ATXN7L1: variants seen among roughly 807,000 people sequenced by gnomAD.
ATXN7L1 encodes ataxin 7 like 1.
In ATXN7L1, 15 loss-of-function variants were observed where a neutral mutation model predicts 70.8. The observed-to-expected ratio is 0.21, with a 90% CI of 0.14 to 0.33. The LOEUF is 0.33. ATXN7L1 is among the 10% of genes least tolerant of loss of function. ATXN7L1 has a pLI of 1.00. For synonymous variants in ATXN7L1, 440 were observed against 445.1 expected, an observed-to-expected ratio of 0.99 and a Z score of 0.14; for missense variants, 975 against 1,097.1, an observed-to-expected ratio of 0.89 and a Z score of 1.57.
intron 2 of ATXN7L1, among the ~76,000 whole-genome samples, chr7:105,827,084 G>A (rs1381902343): frequency 1.3e-5 from 2 of 152,122 alleles, no homozygotes; most frequent in Admixed American, 1.3e-4. Flanking sequence ...TATGCAGAAC[G>A]GAAGGCGAGG....
chr7:105,759,969 C>A (rs1309192108), intron 3 of ATXN7L1, among the ~76,000 whole-genome samples: 4 of 152,114 alleles, frequency 2.6e-5, no homozygotes, highest in African/African-American at 4.8e-5. Context: ...CTGGAGGTCA[C>A]CAGTGATTTC....
intron 3 of ATXN7L1, among the ~76,000 whole-genome samples, chr7:105,721,941 A>G (rs76610587): frequency 0.054 from 8,289 of 152,276 alleles, 271 homozygotes; most frequent in Admixed American, 0.068. Context: ...TCCCACCTCT[A>G]AGCTAGTTTT....
At chr7:105,725,934 G>C (rs919653320) in intron 3 of ATXN7L1, among the ~76,000 whole-genome samples, 2 of 129,742 alleles carry the variant, frequency 1.5e-5, no homozygotes, top group African/African-American at 5.8e-5. Flanking sequence ...ACAGAGTCTT[G>C]CTCCGTCGTC....
chr7:105,777,941 G>C (rs1665060664), intron 3 of ATXN7L1, among the ~76,000 whole-genome samples: 1 of 152,144 alleles, frequency 6.6e-6, no homozygotes, highest in Admixed American at 6.5e-5. Flanking sequence ...GGACACTCTT[G>C]TGACAGCTTT....
At position 105,606,233 on chromosome 7, in the gene ATXN7L1, T is replaced by A. The variant is rs1195611230; in HGVS notation, c.*1619A>T. The A allele has an allele frequency of 6.6e-6, 1 of 152,228 alleles. No individual in the cohort carries two copies. The highest frequency in any genetic ancestry group is 6.5e-5 in the Admixed American group (1 of 15,274). 9.4% of individuals were successfully genotyped at this position (152,228 alleles called of 1,614,324 possible). Reference sequence around the variant, plus strand: ...TGATTTTTAAACAAATCATTTTATATTAAAAAATTTAGTAATCCTATAAGA... The same window carrying A: ...TGATTTTTAAACAAATCATTTTATAATAAAAAATTTAGTAATCCTATAAGA... On this transcript the variant is annotated 3_prime_UTR_variant, in exon 12 of 12. Coordinates refer to ENST00000419735, the MANE Select transcript of ATXN7L1 (RefSeq NM_020725.2).
chr7:105,708,959 C>T (rs1793522391), intron 3 of ATXN7L1, among the ~76,000 whole-genome samples: 1 of 152,238 alleles, frequency 6.6e-6, no homozygotes, highest in South Asian at 2.1e-4. Context: ...GGTTCTCAAA[C>T]ATCAATGACT....
At chr7:105,835,219 A>T (rs1448600596) in intron 2 of ATXN7L1, among the ~76,000 whole-genome samples, 1 of 136,446 alleles carries the variant, frequency 7.3e-6, no homozygotes, top group African/African-American at 2.9e-5. Flanking sequence ...CAGTGGTGCA[A>T]TCATGGCTCA....
intron 3 of ATXN7L1, among the ~76,000 whole-genome samples, chr7:105,686,627 G>A (rs114044840): frequency 2.8e-3 from 428 of 152,258 alleles, no homozygotes; most frequent in African/African-American, 9.9e-3. Context: ...ACCTACAGTC[G>A]GGCAGAATGC....
At chr7:105,608,875 TA>T (rs2115696185) in intron 11 of ATXN7L1, among the ~76,000 whole-genome samples, 1 of 152,252 alleles carries the variant, frequency 6.6e-6, no homozygotes, top group South Asian at 2.1e-4. Context: ...TCAGGCAACA[TA>T]ACAACACGGT....
chr7:105,733,681 CCCATCCACCCAT>C (rs1563049267), intron 3 of ATXN7L1, among the ~76,000 whole-genome samples: 1 of 6,456 alleles, frequency 1.5e-4, no homozygotes, highest in Non-Finnish European at 3.3e-4. Flanking sequence ...CATCCATCCA[CCCATCCACCCAT>C]CCATCCATTC....
chr7:105,730,717 G>A (rs1392221636), intron 3 of ATXN7L1, among the ~76,000 whole-genome samples: 1 of 151,604 alleles, frequency 6.6e-6, no homozygotes, highest in Non-Finnish European at 1.5e-5. Flanking sequence ...GGGCAACAGA[G>A]TGAGACTCCA....
intron 2 of ATXN7L1, among the ~76,000 whole-genome samples, chr7:105,872,313 C>T (rs1818387984): frequency 6.6e-6 from 1 of 152,132 alleles, no homozygotes; most frequent in South Asian, 2.1e-4. Flanking sequence ...ATTCTTATTT[C>T]ACATTTCCAG....
At position 105,605,749 on chromosome 7, in the gene ATXN7L1, A is replaced by G. The variant is rs1269070664; in HGVS notation, c.*2103T>C. 2.0e-5 allele frequency: 3 copies of G among 152,220 alleles called. No individual in the cohort carries two copies. The highest frequency in any genetic ancestry group is 7.2e-5 in the African/African-American group (3 of 41,454). The allele number at this position is 152,220 out of a possible 1,614,324, so 9.4% of individuals were successfully genotyped here. ...AAACAACAGACCTCTGAAACCGAAC[A>G]AGACAAAATTGTGCAAAAATAACAA... On this transcript the variant is annotated 3_prime_UTR_variant, in exon 12 of 12. Transcript: ENST00000419735.
At position 105,875,845 on chromosome 7, in the gene ATXN7L1, T is replaced by C; in HGVS notation, c.217A>G (p.Lys73Glu). The C allele has an allele frequency of 6.2e-7, 1 of 1,613,830 alleles. No homozygotes were observed. Among genetic ancestry groups the C allele is most frequent in the Non-Finnish European group, 8.5e-7 (1 of 1,179,892 alleles). Residue 73 changes from lysine to glutamate, a missense_variant, in exon 2 of 12, where the codon AAA (lysine) becomes GAA (glutamate). Lys to Glu is a moderately conservative substitution (Grantham distance 56). Transcript: ENST00000419735. ...DLEEAGKEGG[K>E]SREVMRLNKE... ...TTAAGCCTCATAACCTCCCTGCTTT[T>C]TCCACCCTCTTTTCCAGCCTCTTCT...
At chr7:105,784,705 A>G (rs769787523) in intron 3 of ATXN7L1, among the ~76,000 whole-genome samples, 1 of 152,122 alleles carries the variant, frequency 6.6e-6, no homozygotes, top group African/African-American at 2.4e-5. Context: ...CATCCCAGCA[A>G]CCCCCTGAGG....
At chr7:105,702,402 C>G (rs1375035814) in intron 3 of ATXN7L1, among the ~76,000 whole-genome samples, 1 of 152,098 alleles carries the variant, frequency 6.6e-6, no homozygotes, top group Non-Finnish European at 1.5e-5. Flanking sequence ...TTTATCATCC[C>G]AACTAGACAG....
chr7:105,865,695 C>T (rs952470871), intron 2 of ATXN7L1, among the ~76,000 whole-genome samples: 2 of 152,116 alleles, frequency 1.3e-5, no homozygotes, highest in Non-Finnish European at 2.9e-5. Flanking sequence ...GCCACTGCAC[C>T]CGGGCCATTT....
At chr7:105,797,794 G>A (rs1806213012) in intron 2 of ATXN7L1, among the ~76,000 whole-genome samples, 1 of 152,228 alleles carries the variant, frequency 6.6e-6, no homozygotes. Context: ...GCAAAGCCCG[G>A]CAGCTTTCCT....
chr7:105,758,671 G>C (rs1012662711), intron 3 of ATXN7L1, among the ~76,000 whole-genome samples: 7 of 152,138 alleles, frequency 4.6e-5, no homozygotes, highest in Non-Finnish European at 7.4e-5. Flanking sequence ...TTTTCCATGA[G>C]GGTCTACCGC....
Sources: allele counts gnomAD v4.1 joint callset (sites outside exome capture counted in the v4.1 genomes callset), GRCh38; gene constraint gnomAD v4.1.1; transcripts MANE v1.5; gene names NCBI Gene and HGNC (gene_info 2026-07-23, HGNC 2026-07-21).